The following RBFOX1 variants were observed in gnomAD, a reference collection of about 807,000 sequenced individuals.
The protein encoded by RBFOX1 is RNA binding fox-1 homolog 1, also known as RNA binding protein fox-1 homolog 1.
Under a neutral mutation model 57.7 loss-of-function variants are expected in RBFOX1, and 8 were observed. That is an observed-to-expected ratio of 0.14 (90% CI 0.08 to 0.25). The LOEUF is 0.25. Ranked by LOEUF, RBFOX1 falls within the 10% of genes least tolerant of loss-of-function variation. The pLI, the probability that RBFOX1 is intolerant of heterozygous loss-of-function variation, is 1.00. For synonymous variants in RBFOX1, 326 were observed against 222.4 expected (o/e 1.47, Z -4.15); for missense variants, 611 against 548.5 (o/e 1.11, Z -1.14).
chr16:5,917,604 C>A (rs1342530276), intron 4 of RBFOX1, among the ~76,000 whole-genome samples: 1 of 152,156 alleles, frequency 6.6e-6, no homozygotes, highest in Non-Finnish European at 1.5e-5. Context: ...TGGGTGTGTC[C>A]ATGTGAGTTC....
At chr16:6,714,455 C>T (rs1335704042) in intron 3 of RBFOX1, among the ~76,000 whole-genome samples, 1 of 152,132 alleles carries the variant, frequency 6.6e-6, no homozygotes, top group Non-Finnish European at 1.5e-5. Context: ...CTTTATCCCA[C>T]TACGGGATCC....
At chr16:7,396,060 G>C (rs922499482) in intron 4 of RBFOX1, among the ~76,000 whole-genome samples, 2 of 152,120 alleles carry the variant, frequency 1.3e-5, no homozygotes, top group African/African-American at 4.8e-5. Context: ...CATGAATGGT[G>C]GGTTCTGGAT....
intron 3 of RBFOX1, among the ~76,000 whole-genome samples, chr16:5,646,466 CT>C (rs1219833148): frequency 6.6e-6 from 1 of 152,080 alleles, no homozygotes; most frequent in Non-Finnish European, 1.5e-5. Flanking sequence ...TGCTTGTCAT[CT>C]TGTGGGCTAT....
At chr16:6,828,033 C>T (rs2092362696) in intron 3 of RBFOX1, among the ~76,000 whole-genome samples, 1 of 152,138 alleles carries the variant, frequency 6.6e-6, no homozygotes, top group Non-Finnish European at 1.5e-5. Flanking sequence ...TCAATACTGG[C>T]ACTGGTAAAC....
chr16:5,325,430 T>G (rs2064541803), intron 1 of RBFOX1, among the ~76,000 whole-genome samples: 1 of 152,248 alleles, frequency 6.6e-6, no homozygotes, highest in African/African-American at 2.4e-5. Flanking sequence ...CACATTTGTT[T>G]TTAATTTTAT....
chr16:7,056,545 C>T (rs1436989952), intron 4 of RBFOX1, among the ~76,000 whole-genome samples: 2 of 152,134 alleles, frequency 1.3e-5, no homozygotes, highest in East Asian at 1.9e-4. Context: ...CCAGCATCTG[C>T]ACCAACAGAT....
At chr16:7,510,281 T>A (rs2074673143) in intron 4 of RBFOX1, 1 of 985,812 alleles carries the variant, frequency 1.0e-6, no homozygotes, top group Admixed American at 6.1e-5. Context: ...GCTAAGTTTA[T>A]GGAGGAGAAA....
intron 3 of RBFOX1, among the ~76,000 whole-genome samples, chr16:6,754,212 T>C (rs1187784797): frequency 6.6e-6 from 1 of 152,204 alleles, no homozygotes; most frequent in African/African-American, 2.4e-5. Context: ...GGAAAGTGTC[T>C]ATGCTCTGGG....
chr16:6,572,277 A>G (rs960024823), intron 2 of RBFOX1, among the ~76,000 whole-genome samples: 8 of 152,204 alleles, frequency 5.3e-5, no homozygotes, highest in African/African-American at 1.9e-4. Context: ...GGACATAGAG[A>G]ATAAACCCAT....
chr16:5,475,523 C>G (rs915018869), intron 2 of RBFOX1, among the ~76,000 whole-genome samples: 1 of 152,204 alleles, frequency 6.6e-6, no homozygotes, highest in East Asian at 1.9e-4. Context: ...ATAATTGGGA[C>G]CTTCAGAGCC....
At chr16:5,836,215 C>T (rs1285229431) in intron 3 of RBFOX1, among the ~76,000 whole-genome samples, 3 of 152,058 alleles carry the variant, frequency 2.0e-5, no homozygotes, top group African/African-American at 7.2e-5. Context: ...GAGGCTGGGC[C>T]CAGGGGAGCC....
At chr16:5,909,089 CCT>C (rs1491236195) in intron 4 of RBFOX1, among the ~76,000 whole-genome samples, 1 of 79,406 alleles carries the variant, frequency 1.3e-5, no homozygotes, top group African/African-American at 3.6e-5. Flanking sequence ...ACTAAGCCCC[CCT>C]TTTTTTTTTT....
At chr16:6,794,081 A>T (rs370482571) in intron 3 of RBFOX1, among the ~76,000 whole-genome samples, 2 of 152,186 alleles carry the variant, frequency 1.3e-5, no homozygotes, top group East Asian at 3.9e-4. Context: ...TAACATCTGA[A>T]ATGACTGAAC....
chr16:6,574,979 A>G (rs2097406810), intron 2 of RBFOX1, among the ~76,000 whole-genome samples: 1 of 150,634 alleles, frequency 6.6e-6, no homozygotes, highest in Non-Finnish European at 1.5e-5. Context: ...CGGAGCTTGC[A>G]GTGAGCCGAG....
At chr16:7,015,812 G>T (rs2093882705) in intron 3 of RBFOX1, among the ~76,000 whole-genome samples, 1 of 150,918 alleles carries the variant, frequency 6.6e-6, no homozygotes, top group Non-Finnish European at 1.5e-5. Context: ...TTCTGATTTG[G>T]GTAGAAAGAA....
chr16:7,402,527 T>A (rs999343075), intron 4 of RBFOX1, among the ~76,000 whole-genome samples: 1 of 152,208 alleles, frequency 6.6e-6, no homozygotes, highest in Non-Finnish European at 1.5e-5. Context: ...CAGGAGGTCA[T>A]CGTTGGGAAC....
chr16:7,198,737 C>G (rs1022018166), intron 4 of RBFOX1, among the ~76,000 whole-genome samples: 4 of 152,152 alleles, frequency 2.6e-5, no homozygotes, highest in African/African-American at 9.7e-5. Flanking sequence ...TGACTTTATT[C>G]GTGAAAGTGG....
At chr16:6,068,758 G>T (rs1321500636) in intron 1 of RBFOX1, among the ~76,000 whole-genome samples, 3 of 152,162 alleles carry the variant, frequency 2.0e-5, no homozygotes, top group Admixed American at 6.5e-5. Flanking sequence ...TAGACATATA[G>T]CTTAGAAGCT....
rs1038611785 is a variant in RBFOX1 at position 7,006,019 on chromosome 16, C to G, written c.-15-46038C>G. 2.0e-5 allele frequency among the ~76,000 whole-genome samples: 3 copies of G among 152,328 alleles called. No homozygotes were observed. In the East Asian group the frequency reaches 5.8e-4, roughly 29 times the overall value. ...CTCTAAGAAGCTGGACAGCATCTTA[C>G]TGAGATACTCCGTGGTTCCTCATGG... On this transcript the variant is annotated intron_variant, in intron 3 of 15. Transcript: ENST00000550418.
Sources: allele counts gnomAD v4.1 joint callset (sites outside exome capture counted in the v4.1 genomes callset), GRCh38; gene constraint gnomAD v4.1.1; transcripts MANE v1.5; gene names NCBI Gene and HGNC (gene_info 2026-07-23, HGNC 2026-07-21).